Variants in CCDC146 observed in about 807,000 individuals in gnomAD.
CCDC146 encodes the protein coiled-coil domain-containing protein 146.
A neutral mutation model predicts 119.3 loss-of-function variants in CCDC146; 92 were observed. The ratio of observed to expected loss-of-function variants is 0.77; its 90% CI spans 0.65 to 0.92. CCDC146 has a LOEUF of 0.92. CCDC146 is among the 40% of genes least tolerant of loss of function. The pLI, the probability that CCDC146 is intolerant of heterozygous loss-of-function variation, is 0.00. For missense variants in CCDC146, 1,000 were observed against 1,103.0 expected, an observed-to-expected ratio of 0.91 and a Z score of 1.32; for synonymous variants, 372 against 371.8, an observed-to-expected ratio of 1.00 and a Z score of -0.01.
chr7:77,199,781 T>C lies in CCDC146; in HGVS notation c.156+31957T>C, dbSNP rs750159294. On this transcript the variant is annotated intron_variant, in intron 2 of 18. Transcript: ENST00000285871. ...ACAGCTGAGCTCAGCCAGTACCAGT[T>C]AGCCAGCTTCATCTTTACAGTGCTG... 1.5e-5 allele frequency: 25 copies of C among 1,613,844 alleles called. No individual in the cohort carries two copies. The South Asian group carries it at 2.5e-4, about 16-fold the overall frequency.
chr7:77,136,429 A>G (rs188724727), intron 1 of CCDC146, among the ~76,000 whole-genome samples: 5 of 152,332 alleles, frequency 3.3e-5, no homozygotes, highest in Admixed American at 6.5e-5. Context: ...TACTGACATC[A>G]GAATGAAACT....
intron 18 of CCDC146, 65 bp from the exon 19 acceptor site, chr7:77,294,598 C>A: frequency 6.7e-7 from 1 of 1,503,544 alleles, no homozygotes; most frequent in Non-Finnish European, 9.2e-7. Context: ...TCTTTTGGGA[C>A]CTAAGGATAA....
chr7:77,212,341 G>C (rs1408683175), intron 2 of CCDC146, among the ~76,000 whole-genome samples: 1 of 152,054 alleles, frequency 6.6e-6, no homozygotes, highest in East Asian at 1.9e-4. Context: ...CATATTGAAG[G>C]CTGGGCATGG....
intron 2 of CCDC146, among the ~76,000 whole-genome samples, chr7:77,203,485 A>G (rs1004528194): frequency 2.6e-5 from 4 of 152,174 alleles, no homozygotes; most frequent in Non-Finnish European, 5.9e-5. Context: ...AAAGATGGTC[A>G]AAGAAATAGG....
At chr7:77,211,219 A>AT (rs965543315) in intron 2 of CCDC146, among the ~76,000 whole-genome samples, 51 of 151,926 alleles carry the variant, frequency 3.4e-4, no homozygotes, top group African/African-American at 1.2e-3. Context: ...TTTTATTATC[A>AT]TTTTTTTCTT....
At chr7:77,186,398 A>G (rs1486035246) in intron 2 of CCDC146, among the ~76,000 whole-genome samples, 1 of 152,168 alleles carries the variant, frequency 6.6e-6, no homozygotes, top group Admixed American at 6.6e-5. Context: ...ACAGAAAGAC[A>G]AACTGCATGT....
intron 9 of CCDC146, among the ~76,000 whole-genome samples, chr7:77,271,562 A>G (rs1362298514): frequency 1.3e-5 from 1 of 79,552 alleles, no homozygotes; most frequent in Non-Finnish European, 2.5e-5. Flanking sequence ...ATATATATAT[A>G]TATATATGGA....
intron 9 of CCDC146, among the ~76,000 whole-genome samples, chr7:77,273,427 A>G (rs1793563256): frequency 6.6e-6 from 1 of 152,236 alleles, no homozygotes; most frequent in Non-Finnish European, 1.5e-5. Context: ...CATAAAGGGA[A>G]GTTCTTATAA....
chr7:77,125,807 T>A (rs1790683107), intron 1 of CCDC146, among the ~76,000 whole-genome samples: 1 of 152,146 alleles, frequency 6.6e-6, no homozygotes, highest in African/African-American at 2.4e-5. Context: ...CTTCTATTAT[T>A]CTTATGAAAT....
At chr7:77,231,906 A>G (rs918061795) in intron 2 of CCDC146, among the ~76,000 whole-genome samples, 1 of 151,050 alleles carries the variant, frequency 6.6e-6, no homozygotes, top group African/African-American at 2.4e-5. Context: ...TGCAAGTCTC[A>G]TAATTTTTCA....
chr7:77,185,825 A>G (rs1791658868), intron 2 of CCDC146, among the ~76,000 whole-genome samples: 2 of 152,218 alleles, frequency 1.3e-5, no homozygotes, highest in African/African-American at 4.8e-5. Context: ...TAGTTGTTTT[A>G]AGGAAATTCA....
At chr7:77,197,013 G>T in intron 2 of CCDC146, 1 of 1,382,086 alleles carries the variant, frequency 7.2e-7, no homozygotes, top group Non-Finnish European at 1.0e-6. Flanking sequence ...GGAAGGCATT[G>T]GATCTTGTTA....
chr7:77,187,828 A>G (rs1791695901), intron 2 of CCDC146, among the ~76,000 whole-genome samples: 2 of 152,182 alleles, frequency 1.3e-5, no homozygotes. Context: ...ATGAGCTAGA[A>G]GAAGAATCTA....
At position 77,294,717 on chromosome 7, in the gene CCDC146, G is replaced by A; in HGVS notation, c.2719G>A (p.Glu907Lys). The change falls in exon 19 of 19, where the codon GAG (glutamate) becomes AAG (lysine). Residue 907 changes from glutamate to lysine, a missense_variant. Coordinates refer to ENST00000285871, the MANE Select transcript of CCDC146 (RefSeq NM_020879.3). Reference sequence around the variant, plus strand: ...GCCCAATGGTGTTTACACAACTGCAGAGCAGCGTCCGAATGCCTACATCCC... The same window carrying A: ...GCCCAATGGTGTTTACACAACTGCAAAGCAGCGTCCGAATGCCTACATCCC... ...QLPNGVYTTA[E>K]QRPNAYIPEA... 1 of 1,614,214 alleles carries A rather than the reference G, an allele frequency of 6.2e-7. No homozygotes were observed. The highest frequency in any genetic ancestry group is 8.5e-7 in the Non-Finnish European group (1 of 1,180,030).
intron 1 of CCDC146, among the ~76,000 whole-genome samples, chr7:77,146,760 A>G (rs1391835454): frequency 6.6e-6 from 1 of 152,154 alleles, no homozygotes; most frequent in African/African-American, 2.4e-5. Context: ...TGGCTTGTAG[A>G]GTTTCTGCCA....
intron 2 of CCDC146, chr7:77,194,857 G>A (rs1396024686): frequency 6.6e-6 from 1 of 152,068 alleles, no homozygotes; most frequent in East Asian, 1.9e-4. Flanking sequence ...CATTTAAAAA[G>A]TCTTTTAAAT....
At position 77,175,567 on chromosome 7, in the gene CCDC146, C is replaced by T. The variant is rs1394534568; in HGVS notation, c.156+7743C>T. 5.3e-5 allele frequency among the ~76,000 whole-genome samples: 8 copies of T among 151,186 alleles called. 2 individuals are homozygous for T. Among genetic ancestry groups the T allele is most frequent in the African/African-American group, 2.0e-4 (8 of 40,716 alleles). On this transcript the variant is annotated intron_variant, in intron 2 of 18. Coordinates refer to ENST00000285871, the MANE Select transcript of CCDC146 (RefSeq NM_020879.3). ...TCACGAAAACAAGTTATATATAAAA[C>T]TATGAGTGGTTGTACTTCTTACAAA...
chr7:77,133,841 A>ACACACACT (rs1554345451), intron 1 of CCDC146, among the ~76,000 whole-genome samples: 2,074 of 150,370 alleles, frequency 0.014, 35 homozygotes, highest in African/African-American at 0.043. Context: ...ACACACACAC[A>ACACACACT]CACACACACA....
chr7:77,221,394 C>T (rs1229346175), intron 2 of CCDC146, among the ~76,000 whole-genome samples: 1 of 152,198 alleles, frequency 6.6e-6, no homozygotes, highest in Admixed American at 6.5e-5. Context: ...CCATATGACC[C>T]ATGATAAATA....
Sources: gnomAD v4.1 joint callset for allele counts (sites outside exome capture counted in the v4.1 genomes callset) on GRCh38, gnomAD v4.1.1 for gene constraint, MANE v1.5 for transcripts, NCBI Gene and HGNC (gene_info 2026-07-23, HGNC 2026-07-21) for gene names.